DGKI: variants seen among roughly 807,000 people sequenced by gnomAD.
The protein encoded by DGKI is DAG kinase iota.
A neutral mutation model predicts 147.5 loss-of-function variants in DGKI; 55 were observed. The observed-to-expected ratio is 0.37, with a 90% confidence interval of 0.30 to 0.47. The LOEUF (loss-of-function observed/expected upper bound fraction) is 0.47, where lower values mean the gene tolerates loss of function less well. DGKI is among the 20% of genes least tolerant of loss of function. The probability of loss-of-function intolerance (pLI) is 1.00; values close to 1 mark genes in which losing one functional copy is unlikely to be tolerated. For synonymous variants in DGKI, 469 were observed against 477.1 expected, an observed-to-expected ratio of 0.98 and a Z score of 0.22; for missense variants, 1,007 against 1,323.8, an observed-to-expected ratio of 0.76 and a Z score of 3.71.
intron 1 of DGKI, among the ~76,000 whole-genome samples, chr7:137,702,462 G>T (rs1341689038): frequency 6.6e-6 from 1 of 152,034 alleles, no homozygotes; most frequent in East Asian, 1.9e-4. Context: ...TAAAAACAAC[G>T]GCAATAATGG....
chr7:137,603,772 GGT>G (rs1820077943), intron 10 of DGKI, among the ~76,000 whole-genome samples: 1 of 152,106 alleles, frequency 6.6e-6, no homozygotes, highest in Admixed American at 6.5e-5. Context: ...GAACCTTCAG[GGT>G]AAAGGCACAA....
chr7:137,641,059 G>A (rs532852929), intron 6 of DGKI, among the ~76,000 whole-genome samples: 33 of 152,232 alleles, frequency 2.2e-4, no homozygotes, highest in Non-Finnish European at 4.3e-4. Flanking sequence ...AATTATGGGG[G>A]CGGGTCTTTC....
At chr7:137,496,554 C>A (rs911817907) in intron 21 of DGKI, among the ~76,000 whole-genome samples, 2 of 151,904 alleles carry the variant, frequency 1.3e-5, no homozygotes, top group African/African-American at 2.4e-5. Flanking sequence ...CAAAACTATA[C>A]TACAAGGCTA....
chr7:137,575,078 T>C (rs928051483), intron 17 of DGKI, among the ~76,000 whole-genome samples: 1 of 152,144 alleles, frequency 6.6e-6, no homozygotes. Context: ...TCAAAAACCA[T>C]TGCATCAAAG....
intron 23 of DGKI, among the ~76,000 whole-genome samples, chr7:137,473,818 G>T (rs1554410920): frequency 6.6e-6 from 1 of 151,980 alleles, no homozygotes; most frequent in African/African-American, 2.4e-5. Context: ...TAAACAAAGG[G>T]AAAAAATGTA....
chr7:137,694,138 G>A (rs574422630), intron 1 of DGKI, among the ~76,000 whole-genome samples: 2 of 152,080 alleles, frequency 1.3e-5, no homozygotes, highest in Non-Finnish European at 2.9e-5. Flanking sequence ...TGGCTAACAC[G>A]GTGAAACCCC....
intron 10 of DGKI, among the ~76,000 whole-genome samples, chr7:137,601,821 T>A (rs1042118774): frequency 6.6e-6 from 1 of 152,228 alleles, no homozygotes; most frequent in African/African-American, 2.4e-5. Context: ...CATAGGCCAA[T>A]GCAGGTCTTT....
At chr7:137,629,433 T>A (rs1365595803) in intron 6 of DGKI, among the ~76,000 whole-genome samples, 1 of 152,194 alleles carries the variant, frequency 6.6e-6, no homozygotes, top group African/African-American at 2.4e-5. Context: ...CATTTTCACT[T>A]TGCTTGAAGA....
intron 1 of DGKI, among the ~76,000 whole-genome samples, chr7:137,739,430 A>T (rs937649469): frequency 2.0e-5 from 3 of 152,164 alleles, no homozygotes; most frequent in African/African-American, 7.2e-5. Context: ...AAGAACAAAC[A>T]ACCTAGGCTT....
chr7:137,493,640 C>T lies in DGKI; in HGVS notation c.2249-5951G>A, dbSNP rs574554947. ...TACCATAATCAAACACCCAACAACACCAAAGAAAATGAAAGCAAACAAAAA... is the reference window on the plus strand; with the variant it reads ...TACCATAATCAAACACCCAACAACATCAAAGAAAATGAAAGCAAACAAAAA... On this transcript the variant is annotated intron_variant, in intron 21 of 32. Coordinates refer to ENST00000614521, the MANE Select transcript of DGKI (RefSeq NM_001321708.2). 6.0e-6 allele frequency: 4 copies of T among 669,218 alleles called. No homozygotes were observed. In the East Asian group the frequency reaches 1.1e-4, roughly 18 times the overall value. The allele number at this position is 669,218 out of a possible 1,614,324, so 41.5% of individuals were successfully genotyped here.
intron 30 of DGKI, among the ~76,000 whole-genome samples, chr7:137,400,052 C>T (rs117579345): frequency 1.3e-5 from 2 of 152,316 alleles, no homozygotes; most frequent in Non-Finnish European, 2.9e-5. Context: ...GGTCACACTA[C>T]ATCAAGATAT....
At chr7:137,406,877 T>C (rs1811967297) in intron 30 of DGKI, among the ~76,000 whole-genome samples, 1 of 148,006 alleles carries the variant, frequency 6.8e-6, no homozygotes, top group Non-Finnish European at 1.5e-5. Context: ...ACTACACAAA[T>C]ATTTGTTAAA....
rs540357618 is a variant in DGKI, at chr7:137,559,964, T to C, written c.1948-7396A>G. ...AAAAGAAATATACCCTATCCATCTT[T>C]TAATACTGGTCCAGTAGAATTCGTC... On this transcript the variant is annotated intron_variant, in intron 19 of 32. Transcript: ENST00000614521. 9.2e-5 allele frequency among the ~76,000 whole-genome samples: 14 copies of C among 152,310 alleles called. No homozygotes were observed. The South Asian group carries it at 2.9e-3, about 32-fold the overall frequency.
intron 27 of DGKI, among the ~76,000 whole-genome samples, chr7:137,450,286 T>G (rs534826303): frequency 6.6e-6 from 1 of 152,362 alleles, no homozygotes; most frequent in African/African-American, 2.4e-5. Flanking sequence ...AGATGCTAAG[T>G]GCTCTCACAA....
intron 21 of DGKI, among the ~76,000 whole-genome samples, chr7:137,518,817 T>G (rs1300787789): frequency 6.6e-6 from 1 of 152,038 alleles, no homozygotes; most frequent in East Asian, 1.9e-4. Flanking sequence ...TACAACAGAT[T>G]TTTAAAAACA....
At chr7:137,441,845 T>C (rs1301300015) in intron 28 of DGKI, among the ~76,000 whole-genome samples, 1 of 152,166 alleles carries the variant, frequency 6.6e-6, no homozygotes, top group Non-Finnish European at 1.5e-5. Flanking sequence ...ACTTCTCACC[T>C]CTCCTACAAG....
At chr7:137,838,867 G>A (rs1421017868) in intron 1 of DGKI, among the ~76,000 whole-genome samples, 1 of 152,222 alleles carries the variant, frequency 6.6e-6, no homozygotes, top group Non-Finnish European at 1.5e-5. Flanking sequence ...TCCAGGGCAG[G>A]TAGCATCTGC....
At chr7:137,796,240 G>A (rs1413209282) in intron 1 of DGKI, among the ~76,000 whole-genome samples, 1 of 152,218 alleles carries the variant, frequency 6.6e-6, no homozygotes, top group Admixed American at 6.5e-5. Context: ...GCTCACGCCT[G>A]TAATCCCAGC....
chr7:137,676,863 A>G (rs1019916709), intron 3 of DGKI, among the ~76,000 whole-genome samples: 1 of 152,240 alleles, frequency 6.6e-6, no homozygotes, highest in Non-Finnish European at 1.5e-5. Flanking sequence ...TTGTCAAGAG[A>G]GGTAGCCATC....
Sources: allele counts gnomAD v4.1 joint callset (sites outside exome capture counted in the v4.1 genomes callset), GRCh38; gene constraint gnomAD v4.1.1; transcripts MANE v1.5; gene names NCBI Gene and HGNC (gene_info 2026-07-23, HGNC 2026-07-21).